DIP2C: variants seen among roughly 807,000 people sequenced by gnomAD.
DIP2C encodes DIP2 acetate--CoA ligase C (putative).
In DIP2C, 33 loss-of-function variants were observed where a neutral mutation model predicts 192.4. That is an observed-to-expected ratio of 0.17 (90% confidence interval 0.13 to 0.23). The LOEUF (loss-of-function observed/expected upper bound fraction) is 0.23. DIP2C is among the 10% of genes least tolerant of loss of function. The pLI, the probability that DIP2C is intolerant of heterozygous loss-of-function variation, is 1.00. For synonymous variants in DIP2C, 979 were observed against 864.1 expected, an observed-to-expected ratio of 1.13 and a Z score of -2.33; for missense variants, 1,537 against 2,110.1, an observed-to-expected ratio of 0.73 and a Z score of 5.32.
At chr10:372,077 T>A in intron 17 of DIP2C, among the ~76,000 whole-genome samples, 2 of 100,898 alleles carry the variant, frequency 2.0e-5, no homozygotes, top group African/African-American at 9.7e-5. Context: ...CCCTTTCCTT[T>A]TTTTTTTTTT....
intron 10 of DIP2C, among the ~76,000 whole-genome samples, chr10:397,786 C>A (rs1374271235): frequency 6.6e-6 from 1 of 152,170 alleles, no homozygotes; most frequent in Non-Finnish European, 1.5e-5. Context: ...TGAGCGTAAG[C>A]CAAAAATAAA....
intron 1 of DIP2C, among the ~76,000 whole-genome samples, chr10:574,819 G>T (rs184111484): frequency 6.6e-6 from 1 of 152,194 alleles, no homozygotes; most frequent in African/African-American, 2.4e-5. Flanking sequence ...CAGAAGCATC[G>T]CAACGCGGTT....
intron 1 of DIP2C, among the ~76,000 whole-genome samples, chr10:591,588 C>CA (rs1659555215): frequency 6.6e-6 from 1 of 152,210 alleles, no homozygotes; most frequent in Non-Finnish European, 1.5e-5. Flanking sequence ...CAGAAGTTTA[C>CA]AAATACCCAG....
intron 1 of DIP2C, among the ~76,000 whole-genome samples, chr10:521,638 G>C (rs774978712): frequency 4.6e-5 from 7 of 152,194 alleles, no homozygotes; most frequent in Non-Finnish European, 7.3e-5. Context: ...TTTGTAGTGA[G>C]TTACTTAATG....
At chr10:448,511 C>A (rs78736486) in intron 3 of DIP2C, among the ~76,000 whole-genome samples, 4,562 of 117,468 alleles carry the variant, frequency 0.039, 21 homozygotes, top group African/African-American at 0.19. Context: ...GCAGGACCCG[C>A]TCACTCCCGT....
intron 32 of DIP2C, among the ~76,000 whole-genome samples, chr10:300,724 C>T (rs1226545927): frequency 4.7e-5 from 7 of 147,390 alleles, no homozygotes; most frequent in Non-Finnish European, 9.0e-5. Flanking sequence ...GTGGAGAAGC[C>T]GGAACCCAGG....
intron 9 of DIP2C, among the ~76,000 whole-genome samples, chr10:400,474 C>A (rs1964327685): frequency 6.6e-6 from 1 of 152,270 alleles, no homozygotes; most frequent in African/African-American, 2.4e-5. Flanking sequence ...GTTACTTGTA[C>A]ATGTGGGGTA....
At chr10:655,765 T>C (rs562789841) in intron 1 of DIP2C, among the ~76,000 whole-genome samples, 1 of 152,384 alleles carries the variant, frequency 6.6e-6, no homozygotes, top group African/African-American at 2.4e-5. Flanking sequence ...TTGTATACTA[T>C]ACTATATAAT....
At chr10:674,971 C>G (rs181749594) in intron 1 of DIP2C, among the ~76,000 whole-genome samples, 4 of 151,768 alleles carry the variant, frequency 2.6e-5, no homozygotes, top group Non-Finnish European at 2.9e-5. Flanking sequence ...ACATTTCATC[C>G]AACAGATACA....
At chr10:461,665 G>T (rs1468753567) in intron 3 of DIP2C, among the ~76,000 whole-genome samples, 3 of 152,148 alleles carry the variant, frequency 2.0e-5, no homozygotes, top group Non-Finnish European at 4.4e-5. Flanking sequence ...CTTGAACTCA[G>T]CTCTGGGCCA....
chr10:574,818 C>T (rs1022140412), intron 1 of DIP2C, among the ~76,000 whole-genome samples: 3 of 152,214 alleles, frequency 2.0e-5, no homozygotes, highest in African/African-American at 4.8e-5. Flanking sequence ...CCAGAAGCAT[C>T]GCAACGCGGT....
chr10:678,792 A>C (rs1281976646), intron 1 of DIP2C, among the ~76,000 whole-genome samples: 1 of 61,104 alleles, frequency 1.6e-5, no homozygotes, highest in Admixed American at 2.1e-4. Context: ...CCCTGCGCCC[A>C]TGCTCCCCAC....
In DIP2C at chr10:531,773, C is replaced by T. The variant is rs557512111; in HGVS notation, c.86-45243G>A. On this transcript the variant is annotated intron_variant, in intron 1 of 36. Coordinates refer to ENST00000280886, the MANE Select transcript of DIP2C (RefSeq NM_014974.3). Reference sequence around the variant, plus strand: ...AAGTCTGTGGAACCTCAGAGGAACACGGACAAACAGCTGCCTCGACGGGTG... The same window carrying T: ...AAGTCTGTGGAACCTCAGAGGAACATGGACAAACAGCTGCCTCGACGGGTG... 7.9e-5 allele frequency among the ~76,000 whole-genome samples: 12 copies of T among 152,298 alleles called. No homozygotes were observed. In the South Asian group the frequency reaches 1.7e-3, roughly 21 times the overall value.
chr10:561,488 A>AC (rs1849214654), intron 1 of DIP2C, among the ~76,000 whole-genome samples: 1 of 152,202 alleles, frequency 6.6e-6, no homozygotes, highest in Non-Finnish European at 1.5e-5. Context: ...AACGTGATCA[A>AC]CATCACAGAA....
At chr10:592,782 A>G (rs1183897834) in intron 1 of DIP2C, among the ~76,000 whole-genome samples, 1 of 152,198 alleles carries the variant, frequency 6.6e-6, no homozygotes, top group African/African-American at 2.4e-5. Flanking sequence ...AAATACCATG[A>G]GAATACAGCT....
intron 1 of DIP2C, among the ~76,000 whole-genome samples, chr10:555,031 C>A (rs942748874): frequency 6.6e-6 from 1 of 151,906 alleles, no homozygotes; most frequent in African/African-American, 2.4e-5. Context: ...ATATACTGAC[C>A]CCAAGTAATT....
Position 419,777 on chromosome 10 carries a change from C to A in DIP2C, c.605-578G>T, listed in dbSNP as rs150192694. 2.6e-4 allele frequency among the ~76,000 whole-genome samples: 39 copies of A among 152,266 alleles called. No individual in the cohort carries two copies. The East Asian group carries it at 5.4e-3, about 21-fold the overall frequency. On this transcript the variant is annotated intron_variant, in intron 5 of 36. Coordinates refer to ENST00000280886, the MANE Select transcript of DIP2C (RefSeq NM_014974.3). Reference sequence around the variant, plus strand: ...CAAGAACTATTATTTTATTATTTCTCTTAGTACAAACAACAACAGTCATTC... The same window carrying A: ...CAAGAACTATTATTTTATTATTTCTATTAGTACAAACAACAACAGTCATTC...
intron 3 of DIP2C, among the ~76,000 whole-genome samples, chr10:459,478 C>T (rs1414547439): frequency 1.3e-5 from 2 of 152,216 alleles, no homozygotes; most frequent in African/African-American, 2.4e-5. Flanking sequence ...CATGGAAGTT[C>T]TTAGTTCATC....
At chr10:364,928 G>C (rs1589616513) in intron 19 of DIP2C, 1 of 542,554 alleles carries the variant, frequency 1.8e-6, no homozygotes, top group Non-Finnish European at 3.7e-6. Context: ...TAAAAGACGA[G>C]TGAAGAGTCA....
Sources: allele counts gnomAD v4.1 joint callset (sites outside exome capture counted in the v4.1 genomes callset), GRCh38; gene constraint gnomAD v4.1.1; transcripts MANE v1.5; gene names NCBI Gene and HGNC (gene_info 2026-07-23, HGNC 2026-07-21).